SRRM1: variants seen among roughly 807,000 people sequenced by gnomAD.
SRRM1 encodes serine and arginine repetitive matrix 1.
In SRRM1, 19 loss-of-function variants were observed where a neutral mutation model predicts 110.2. The ratio of observed to expected loss-of-function variants is 0.17; its 90% confidence interval spans 0.12 to 0.25. The LOEUF is 0.25. Ranked by LOEUF, SRRM1 falls within the 10% of genes least tolerant of loss-of-function variation. The pLI is 1.00. For missense variants in SRRM1, 918 were observed against 1,145.8 expected (o/e 0.80, Z 2.87); for synonymous variants, 443 against 414.9 (o/e 1.07, Z -0.82).
intron 10 of SRRM1, 99 bp from the exon 11 acceptor site, chr1:24,661,211 C>T: frequency 1.5e-5 from 11 of 756,472 alleles, no homozygotes; most frequent in South Asian, 4.0e-5. Flanking sequence ...ATTTTTGATC[C>T]AACCAAATGA....
rs187267747 is a variant in SRRM1 at position 24,658,581 on chromosome 1, A to T, written c.1316-2138A>T. Among the ~76,000 whole-genome samples, 3 of 152,306 alleles carry T rather than the reference A, an allele frequency of 2.0e-5. No individual in the cohort carries two copies. In the East Asian group the frequency reaches 5.8e-4, roughly 29 times the overall value. On this transcript the variant is annotated intron_variant, in intron 9 of 16. Transcript: ENST00000323848. ...TTCTTAGGGGAAAATGTATCCAAAC[A>T]ATCAGCTTCCAAAGCAAGCTTGGGA...
chr1:24,666,839 C>G lies in SRRM1; in HGVS notation c.1653C>G (p.Ser551=). The G allele has an allele frequency of 6.2e-7, 1 of 1,613,136 alleles. No individual in the cohort carries two copies. Among genetic ancestry groups the G allele is most frequent in the South Asian group, 1.1e-5 (1 of 91,028 alleles). ...GTGGTAGACGGAGGAGAAGTCCATC[C>G]CCACCACCCACCAGAAGGCGACGGT... is the stretch of plus-strand genomic sequence containing the variant. ...SPRGRRRRSP[S]PPPTRRRRSP... Residue 551 remains serine, a synonymous_variant, in exon 13 of 17, where the codon TCC becomes TCG. Transcript: ENST00000323848.
intron 4 of SRRM1, 126 bp from the exon 5 acceptor site, chr1:24,649,845 G>A: frequency 1.3e-6 from 1 of 744,574 alleles, no homozygotes; most frequent in Non-Finnish European, 2.1e-6. Context: ...AGAAAGAACA[G>A]GTCTGGTTCA....
intron 12 of SRRM1, among the ~76,000 whole-genome samples, chr1:24,664,242 C>A (rs1051781739): frequency 6.6e-6 from 1 of 152,094 alleles, no homozygotes; most frequent in African/African-American, 2.4e-5. Flanking sequence ...GTGATCCACC[C>A]GCCTCGGCCT....
At chr1:24,644,357 C>T (rs1411177816) in intron 1 of SRRM1, among the ~76,000 whole-genome samples, 1 of 152,150 alleles carries the variant, frequency 6.6e-6, no homozygotes, top group East Asian at 1.9e-4. Context: ...ACTGTTAATG[C>T]AGAATGAAGT....
intron 4 of SRRM1, among the ~76,000 whole-genome samples, chr1:24,649,256 A>G (rs1659180622): frequency 6.6e-6 from 1 of 152,214 alleles, no homozygotes; most frequent in African/African-American, 2.4e-5. Flanking sequence ...AATTCTTAAT[A>G]TGTGAGTGCA....
At chr1:24,653,784 C>T (rs1002843229) in intron 8 of SRRM1, among the ~76,000 whole-genome samples, 2 of 152,174 alleles carry the variant, frequency 1.3e-5, no homozygotes, top group African/African-American at 4.8e-5. Flanking sequence ...ATACGTTTCA[C>T]CTGGCTTGGG....
chr1:24,651,133 G>A (rs1402761303), intron 5 of SRRM1, among the ~76,000 whole-genome samples: 1 of 152,148 alleles, frequency 6.6e-6, no homozygotes, highest in Non-Finnish European at 1.5e-5. Flanking sequence ...TGAAAAGTTG[G>A]TCTTTTGATC....
intron 12 of SRRM1, chr1:24,663,241 T>C: frequency 1.3e-6 from 2 of 1,491,210 alleles, no homozygotes; most frequent in East Asian, 2.5e-5. Context: ...TAGACACTAC[T>C]TTGTAAATTA....
chr1:24,664,292 G>A (rs1668783572), intron 12 of SRRM1, among the ~76,000 whole-genome samples: 1 of 152,126 alleles, frequency 6.6e-6, no homozygotes, highest in Non-Finnish European at 1.5e-5. Flanking sequence ...CACTGGGCCC[G>A]ACCTGCATAT....
chr1:24,657,641 TG>T (rs1664909723), intron 9 of SRRM1, among the ~76,000 whole-genome samples: 1 of 152,194 alleles, frequency 6.6e-6, no homozygotes, highest in Non-Finnish European at 1.5e-5. Flanking sequence ...AAAAGTGTTT[TG>T]GGGAACTTAC....
Position 24,646,756 on chromosome 1 carries a change from G to A in SRRM1, c.201G>A (p.Val67=). 1 of 1,607,528 alleles carries A rather than the reference G, an allele frequency of 6.2e-7. No homozygotes were observed. Among genetic ancestry groups the A allele is most frequent in the Non-Finnish European group, 8.5e-7 (1 of 1,177,810 alleles). Residue 67 remains valine (V), a synonymous_variant, in exon 3 of 17, where the codon GTG becomes GTA. Transcript: ENST00000323848. ...TEILGFEDDV[V]IEFIFNQLEV... ...TCCTTGGGTTTGAAGATGATGTTGT[G>A]ATTGAGTTTATATTCAACCAGCTGG... is the stretch of plus-strand genomic sequence containing the variant.
rs1265210202 is a variant in SRRM1, at chr1:24,672,975, T to A, written c.*689T>A. 1 of 152,282 alleles carries A rather than the reference T, an allele frequency of 6.6e-6. No individual in the cohort carries two copies. Among genetic ancestry groups the A allele is most frequent in the African/African-American group, 2.4e-5 (1 of 41,466 alleles). 9.4% of individuals were successfully genotyped at this position (152,282 alleles called of 1,614,324 possible). On this transcript the variant is annotated 3_prime_UTR_variant, in exon 17 of 17. Transcript: ENST00000323848. ...TTATTCTGGTTTTGTTTTTTTTGTT[T>A]TGTTTTTTTTCTTTTGTAAAGGCAA...
At chr1:24,649,936 C>G (rs148408035) in intron 4 of SRRM1, 35 bp from the exon 5 acceptor site, 16 of 1,510,538 alleles carry the variant, frequency 1.1e-5, no homozygotes, top group Non-Finnish European at 1.3e-5. Context: ...CTCAAATGTT[C>G]AACTATGTGT....
rs45502396 is a variant in SRRM1 at position 24,673,097 on chromosome 1, A to G, written c.*811A>G. ...TTTTTGTCTTGTTCTTCCAATTGGT[A>G]TATACAACTTTCAGAGCCTCTTGTA... On this transcript the variant is annotated 3_prime_UTR_variant, in exon 17 of 17. Coordinates refer to ENST00000323848, the MANE Select transcript of SRRM1 (RefSeq NM_005839.4). 1 of 151,894 alleles carries G rather than the reference A, an allele frequency of 6.6e-6. No homozygotes were observed. The highest frequency in any genetic ancestry group is 1.5e-5 in the Non-Finnish European group (1 of 67,988). 9.4% of individuals were successfully genotyped at this position (151,894 alleles called of 1,614,324 possible).
chr1:24,649,037 C>CCTTTT lies in SRRM1; in HGVS notation c.405+16_405+20dup, dbSNP rs771822848. 1.2e-6 allele frequency: 2 copies of CCTTTT among 1,609,772 alleles called. No homozygotes were observed. The highest frequency in any genetic ancestry group is 2.7e-5 in the African/African-American group (2 of 74,460). On this transcript the variant is annotated intron_variant, in intron 4 of 16. Coordinates refer to ENST00000323848, the MANE Select transcript of SRRM1 (RefSeq NM_005839.4). ...GAAATAAAACAAAGACAGGTAATAA[C>CCTTTT]CTTTTCTTTTCTGTAATGTCGATTT... is the stretch of plus-strand genomic sequence containing the variant.
chr1:24,648,045 T>A (rs1006870141), intron 3 of SRRM1: 4 of 152,220 alleles, frequency 2.6e-5, no homozygotes, highest in African/African-American at 9.7e-5. Context: ...AACATTAAAC[T>A]CAAGGTGGTT....
chr1:24,645,958 GTTAA>G, intron 1 of SRRM1, 22 bp from the exon 2 acceptor site: 2 of 1,601,932 alleles, frequency 1.2e-6, no homozygotes, highest in Non-Finnish European at 1.7e-6. Flanking sequence ...TGAACCCTTA[GTTAA>G]GATGTGGTTC....
chr1:24,657,294 A>G (rs1474217387), intron 9 of SRRM1, among the ~76,000 whole-genome samples: 1 of 152,208 alleles, frequency 6.6e-6, no homozygotes, highest in Non-Finnish European at 1.5e-5. Flanking sequence ...ATCAAGAAAC[A>G]GATTTTCAGG....
Sources: gnomAD v4.1 joint callset for allele counts (sites outside exome capture counted in the v4.1 genomes callset) on GRCh38, gnomAD v4.1.1 for gene constraint, MANE v1.5 for transcripts, NCBI Gene and HGNC (gene_info 2026-07-23, HGNC 2026-07-21) for gene names.